SNX27: variants seen among roughly 807,000 people sequenced by gnomAD.
SNX27 encodes sorting nexin-27.
Under a neutral mutation model 71.6 loss-of-function variants are expected in SNX27, and 22 were observed. The ratio of observed to expected loss-of-function variants is 0.31; its 90% CI spans 0.22 to 0.44. The LOEUF is 0.44. SNX27 is among the 20% of genes least tolerant of loss of function. SNX27 has a pLI of 1.00. For missense variants in SNX27, 531 were observed against 698.6 expected, an observed-to-expected ratio of 0.76 and a Z score of 2.70; for synonymous variants, 269 against 277.2, an observed-to-expected ratio of 0.97 and a Z score of 0.29.
intron 1 of SNX27, among the ~76,000 whole-genome samples, chr1:151,634,290 ATTAC>A (rs1668375621): frequency 6.6e-6 from 1 of 152,124 alleles, no homozygotes; most frequent in African/African-American, 2.4e-5. Flanking sequence ...TTACTTTTTT[ATTAC>A]TTTCGTGCAT....
rs1416544871 is a variant in SNX27, at chr1:151,696,478, T to A, written c.*2061T>A. On this transcript the variant is annotated 3_prime_UTR_variant, in exon 12 of 12. Coordinates refer to ENST00000458013, the MANE Select transcript of SNX27 (RefSeq NM_001330723.2). ...AGGCCACTTTTTCTTTCTTTCTTTC[T>A]TTCTTTCTTTCTTTCTTTCTTTCTT... 8.0e-6 allele frequency: 1 copy of A among 124,264 alleles called. No individual in the cohort carries two copies. Among genetic ancestry groups the A allele is most frequent in the Non-Finnish European group, 1.6e-5 (1 of 61,032 alleles). 7.7% of individuals were successfully genotyped at this position (124,264 alleles called of 1,614,324 possible).
At chr1:151,642,501 C>T (rs746827493) in intron 2 of SNX27, among the ~76,000 whole-genome samples, 5 of 152,020 alleles carry the variant, frequency 3.3e-5, no homozygotes, top group Admixed American at 3.3e-4. Context: ...TCTCGTTTAT[C>T]AGTTTTTAAA....
intron 2 of SNX27, among the ~76,000 whole-genome samples, chr1:151,646,647 G>A (rs887947104): frequency 5.4e-5 from 8 of 147,422 alleles, no homozygotes; most frequent in Non-Finnish European, 1.0e-4. Context: ...CTGTATATAG[G>A]TAAGTATATC....
At chr1:151,663,431 T>G (rs1670053644) in intron 5 of SNX27, among the ~76,000 whole-genome samples, 1 of 152,166 alleles carries the variant, frequency 6.6e-6, no homozygotes, top group Non-Finnish European at 1.5e-5. Context: ...ATTACAGGCA[T>G]GAGCCACCAC....
chr1:151,692,633 A>G lies in SNX27; in HGVS notation c.1389+49A>G, dbSNP rs1237461494. 3.2e-6 allele frequency: 5 copies of G among 1,585,942 alleles called. No homozygotes were observed. In the Admixed American group the frequency reaches 9.4e-5, roughly 30 times the overall value. On this transcript the variant is annotated intron_variant, in intron 9 of 11. Coordinates refer to ENST00000458013, the MANE Select transcript of SNX27 (RefSeq NM_001330723.2). ...GGCTGCGAGGACTGGAGATACTTTG[A>G]TGCTCACTTGCTTGTGACGTTTTAA... is the stretch of plus-strand genomic sequence containing the variant.
chr1:151,655,507 C>T (rs1453719737), intron 2 of SNX27, among the ~76,000 whole-genome samples: 1 of 152,226 alleles, frequency 6.6e-6, no homozygotes, highest in South Asian at 2.1e-4. Flanking sequence ...TTGGCCTCCT[C>T]GAACTTCAGT....
At chr1:151,656,195 G>A (rs1248056495) in intron 2 of SNX27, among the ~76,000 whole-genome samples, 1 of 137,258 alleles carries the variant, frequency 7.3e-6, no homozygotes, top group East Asian at 2.2e-4. Flanking sequence ...TGCACTCTTA[G>A]CCTGGGTGAC....
chr1:151,615,391 G>A (rs1445956760), intron 1 of SNX27, among the ~76,000 whole-genome samples: 3 of 151,238 alleles, frequency 2.0e-5, no homozygotes, highest in South Asian at 2.1e-4. Context: ...GATAGTCTGC[G>A]CCTTCTCTTT....
At chr1:151,661,149 T>C (rs1013109478) in intron 4 of SNX27, 5 of 311,200 alleles carry the variant, frequency 1.6e-5, no homozygotes, top group Non-Finnish European at 3.0e-5. Flanking sequence ...TGATCACATG[T>C]TGCTATCTCA....
At position 151,691,875 on chromosome 1, in the gene SNX27, T is replaced by C. The variant is rs77386405; in HGVS notation, c.1240-560T>C. Among the ~76,000 whole-genome samples the C allele has an allele frequency of 1.1e-3, 161 of 152,006 alleles. 1 individual carries two copies. The East Asian group carries it at 0.029, about 27-fold the overall frequency. ...TATGAAGGTGTTGTTTCCTTACTTA[T>C]GGCAAAAAAAAGTAGAAGTTGAAAG... On this transcript the variant is annotated intron_variant, in intron 8 of 11. Coordinates refer to ENST00000458013, the MANE Select transcript of SNX27 (RefSeq NM_001330723.2).
At chr1:151,668,736 C>G in intron 7 of SNX27, 101 bp downstream of exon 7, 1 of 999,550 alleles carries the variant, frequency 1.0e-6, no homozygotes, top group Admixed American at 2.9e-5. Flanking sequence ...GGCTGCTTTG[C>G]TCCTGGGTCT....
intron 5 of SNX27, among the ~76,000 whole-genome samples, chr1:151,663,343 G>A (rs1013550368): frequency 6.6e-6 from 1 of 151,796 alleles, no homozygotes; most frequent in African/African-American, 2.4e-5. Context: ...GTAGAGATGG[G>A]GTTTCACTGT....
intron 1 of SNX27, among the ~76,000 whole-genome samples, chr1:151,622,138 A>C (rs1667702947): frequency 6.6e-6 from 1 of 152,234 alleles, no homozygotes; most frequent in African/African-American, 2.4e-5. Flanking sequence ...TTCCAAAATA[A>C]ATTGCTCAAA....
chr1:151,658,721 G>T (rs920303864), intron 3 of SNX27, among the ~76,000 whole-genome samples: 3 of 152,020 alleles, frequency 2.0e-5, no homozygotes, highest in Non-Finnish European at 4.4e-5. Flanking sequence ...GTCTCGCTCT[G>T]TCGCCAGGCT....
chr1:151,653,959 A>G (rs1006891977), intron 2 of SNX27, among the ~76,000 whole-genome samples: 5 of 150,280 alleles, frequency 3.3e-5, no homozygotes, highest in African/African-American at 1.2e-4. Flanking sequence ...CATCCTCCCT[A>G]GTAGTTGGGA....
At chr1:151,689,439 A>G (rs1671338545) in intron 8 of SNX27, among the ~76,000 whole-genome samples, 1 of 152,206 alleles carries the variant, frequency 6.6e-6, no homozygotes, top group Admixed American at 6.5e-5. Context: ...ACAAAGAGAG[A>G]GTTTAAGGTA....
intron 1 of SNX27, among the ~76,000 whole-genome samples, chr1:151,637,047 A>T (rs115790534): frequency 6.6e-6 from 1 of 152,294 alleles, no homozygotes; most frequent in African/African-American, 2.4e-5. Context: ...AGTCAAGACC[A>T]ATTCTGGTAC....
At chr1:151,650,141 G>A (rs1216488450) in intron 2 of SNX27, among the ~76,000 whole-genome samples, 1 of 152,086 alleles carries the variant, frequency 6.6e-6, no homozygotes, top group African/African-American at 2.4e-5. Context: ...GCCCACTTCA[G>A]CCTCTCAAGA....
chr1:151,647,237 G>A (rs570686092), intron 2 of SNX27, among the ~76,000 whole-genome samples: 140 of 150,454 alleles, frequency 9.3e-4, no homozygotes, highest in African/African-American at 2.5e-3. Flanking sequence ...CACAACTTCC[G>A]TCTCCCAGGT....
Sources: gnomAD v4.1 joint callset for allele counts (sites outside exome capture counted in the v4.1 genomes callset) on GRCh38, gnomAD v4.1.1 for gene constraint, MANE v1.5 for transcripts, NCBI Gene and HGNC (gene_info 2026-07-23, HGNC 2026-07-21) for gene names.